Variants in EDRF1 observed in about 807,000 individuals in gnomAD.
The protein encoded by EDRF1 is erythroid differentiation regulatory factor 1.
Under a neutral mutation model 148.7 loss-of-function variants are expected in EDRF1, and 69 were observed. The ratio of observed to expected loss-of-function variants is 0.46; its 90% CI spans 0.38 to 0.57. EDRF1 has a LOEUF of 0.57. Ranked by LOEUF, EDRF1 falls within the 20% of genes least tolerant of loss-of-function variation. The pLI, the probability that EDRF1 is intolerant of heterozygous loss-of-function variation, is 0.00. For missense variants in EDRF1, 1,118 were observed against 1,478.7 expected (o/e 0.76, Z 4.00); for synonymous variants, 515 against 532.8 (o/e 0.97, Z 0.46).
intron 9 of EDRF1, 56 bp from the exon 10 acceptor site, chr10:125,733,348 G>T (rs570057693): frequency 7.2e-7 from 1 of 1,391,442 alleles, no homozygotes. Flanking sequence ...AAAAAGAAAG[G>T]TGTTGTTTCC....
rs559987715 is a variant in EDRF1, at chr10:125,741,036, G to A, written c.2206G>A (p.Glu736Lys). 8.7e-6 allele frequency: 14 copies of A among 1,613,708 alleles called. No homozygotes were observed. Among genetic ancestry groups the A allele is most frequent in the Non-Finnish European group, 1.1e-5 (13 of 1,179,994 alleles). The change falls in exon 17 of 25, where the codon GAA (glutamate) becomes AAA (lysine). Residue 736 changes from glutamate (E) to lysine (K), a missense_variant. Coordinates refer to ENST00000356792, the MANE Select transcript of EDRF1 (RefSeq NM_001202438.2). ...YCCLCTNMLSEVLLFLSQYLT... is the reference protein window; with the variant it reads ...YCCLCTNMLSKVLLFLSQYLT... ...CTGCCTCTGCACCAATATGCTTTCC[G>A]AAGTGCTGTTGTTTCTCTCTCAATA... is the stretch of plus-strand genomic sequence containing the variant.
intron 23 of EDRF1, 71 bp from the exon 24 acceptor site, chr10:125,753,623 C>G: frequency 6.6e-7 from 1 of 1,512,162 alleles, no homozygotes; most frequent in Admixed American, 1.7e-5. Context: ...AACTGCAGTT[C>G]CATCACTTGG....
chr10:125,738,664 C>G (rs1237861013), intron 15 of EDRF1, among the ~76,000 whole-genome samples: 1 of 152,194 alleles, frequency 6.6e-6, no homozygotes, highest in Non-Finnish European at 1.5e-5. Context: ...GAGCCTGCAT[C>G]TTCCTGTTAC....
At position 125,763,888 on chromosome 10, in the gene EDRF1, C is replaced by T. The variant is rs1357180950; in HGVS notation, c.*416C>T. 8.6e-6 allele frequency: 2 copies of T among 233,680 alleles called. No individual in the cohort carries two copies. The highest frequency in any genetic ancestry group is 1.7e-5 in the Non-Finnish European group (2 of 116,498). The allele number at this position is 233,680 out of a possible 1,614,324, so 14.5% of individuals were successfully genotyped here. ...GGTTCAAGTGGGTTAAGGAGACCTC[C>T]TGTACATCTACAGTGTTTCCTTTTA... On this transcript the variant is annotated 3_prime_UTR_variant, in exon 25 of 25. Transcript: ENST00000356792. The surrounding 1 kb of genome is among the most constrained non-coding windows in gnomAD (Gnocchi z 4.3).
At chr10:125,745,984 T>C (rs1236681693) in intron 19 of EDRF1, 54 bp downstream of exon 19, 34 of 1,558,720 alleles carry the variant, frequency 2.2e-5, no homozygotes, top group Non-Finnish European at 2.9e-5. Context: ...GTCATTTATT[T>C]ACATTTTGCC....
At chr10:125,746,418 T>C (rs1689298299) in intron 19 of EDRF1, among the ~76,000 whole-genome samples, 1 of 152,052 alleles carries the variant, frequency 6.6e-6, no homozygotes, top group Non-Finnish European at 1.5e-5. Flanking sequence ...AAGCAAATCA[T>C]AGAGATGAGA....
In EDRF1 at chr10:125,753,708, C is replaced by T. The variant is rs141807438; in HGVS notation, c.3408C>T (p.Asp1136=). Reference sequence around the variant, plus strand: ...GTTGTTTTTAGCCTAAGAGTGGTGACGCCGCTGCAGCTGCTGATGCTTCTC... The same window carrying T: ...GTTGTTTTTAGCCTAAGAGTGGTGATGCCGCTGCAGCTGCTGATGCTTCTC... ...IEEFGQPKSG[D]AAAAADASPS... is the part of the protein sequence containing the mutation. Residue 1136 remains aspartate (D), a synonymous_variant, in exon 24 of 25, where the codon GAC becomes GAT. Coordinates refer to ENST00000356792, the MANE Select transcript of EDRF1 (RefSeq NM_001202438.2). 60 of 1,613,878 alleles carry T rather than the reference C, an allele frequency of 3.7e-5. No individual in the cohort carries two copies. In the African/African-American group the frequency reaches 3.7e-4, roughly 10 times the overall value.
chr10:125,727,988 G>A (rs201715260), intron 6 of EDRF1, among the ~76,000 whole-genome samples: 6 of 151,960 alleles, frequency 3.9e-5, no homozygotes, highest in African/African-American at 1.2e-4. Flanking sequence ...CTTGAGGCCC[G>A]GAGTTAGAGA....
intron 12 of EDRF1, 102 bp downstream of exon 12, chr10:125,734,285 C>T (rs1052321198): frequency 2.3e-6 from 2 of 887,820 alleles, no homozygotes; most frequent in Non-Finnish European, 3.8e-6. Context: ...CGTAACTGCC[C>T]TATTCAGTGT....
Position 125,721,288 on chromosome 10 carries a change from G to T in EDRF1, c.193G>T (p.Ala65Ser), listed in dbSNP as rs1335805046. 7 of 1,614,190 alleles carry T rather than the reference G, an allele frequency of 4.3e-6. No homozygotes were observed. Among genetic ancestry groups the T allele is most frequent in the East Asian group, 2.2e-5 (1 of 44,884 alleles). ...TTCTGCCCCTCCTCGAACAGCATTT[G>T]CACGCCTTGAAGAGAAAACAGACTT... ...YSSAPPRTAF[A>S]RLEEKTDLKL... The change falls in exon 2 of 25, where the codon GCA (alanine) becomes TCA (serine). Residue 65 changes from alanine to serine, a missense_variant. Ala to Ser is a moderately conservative substitution (Grantham distance 99). Transcript: ENST00000356792.
intron 15 of EDRF1, 118 bp from the exon 16 acceptor site, chr10:125,740,345 T>TA: frequency 1.9e-6 from 2 of 1,036,202 alleles, no homozygotes; most frequent in Non-Finnish European, 2.9e-6. Flanking sequence ...GCATAGTATT[T>TA]ACCAGTCTTG....
Position 125,729,052 on chromosome 10 carries a change from C to G in EDRF1, c.842C>G (p.Ala281Gly), listed in dbSNP as rs563245288. 6.3e-6 allele frequency: 10 copies of G among 1,581,968 alleles called. No individual in the cohort carries two copies. Among genetic ancestry groups the G allele is most frequent in the Non-Finnish European group, 8.5e-6 (10 of 1,171,546 alleles). The change falls in exon 7 of 25, where the codon GCC (alanine) becomes GGC (glycine). Residue 281 changes from alanine to glycine, a missense_variant. Coordinates refer to ENST00000356792, the MANE Select transcript of EDRF1 (RefSeq NM_001202438.2). ...PSYIVGHVAS[A>G]PKEQNLITLF... Reference sequence around the variant, plus strand: ...TACATAGTGGGGCATGTGGCCTCAGCCCCCAAAGAACAAAACCTGATTACT... The same window carrying G: ...TACATAGTGGGGCATGTGGCCTCAGGCCCCAAAGAACAAAACCTGATTACT...
chr10:125,744,524 GA>G (rs1849232434), intron 18 of EDRF1, among the ~76,000 whole-genome samples: 2 of 152,266 alleles, frequency 1.3e-5, no homozygotes, highest in East Asian at 3.9e-4. Context: ...GGCACTTAGG[GA>G]TACAAATGTT....
intron 17 of EDRF1, 38 bp from the exon 18 acceptor site, chr10:125,743,020 A>G (rs756116153): frequency 1.2e-6 from 2 of 1,607,924 alleles, no homozygotes; most frequent in Non-Finnish European, 1.7e-6. Flanking sequence ...AGAAGGAATC[A>G]CATGATTCGC....
chr10:125,738,415 G>A lies in EDRF1; in HGVS notation c.1951G>A (p.Glu651Lys), dbSNP rs1246311852. The change falls in exon 15 of 25, where the codon GAG becomes AAG. Residue 651 changes from glutamate to lysine, a missense_variant. By Grantham distance (56) the Glu-to-Lys change is moderately conservative (BLOSUM62 1). Coordinates refer to ENST00000356792, the MANE Select transcript of EDRF1 (RefSeq NM_001202438.2). ...CTCAAGAGGGGGTCCCGAGGGGCTA[G>A]AGAAGCAGATGGCCTTGTTTTTGGA... ...ESSRGGPEGL[E>K]KQMALFLDKM... is the part of the protein sequence containing the mutation. The A allele has an allele frequency of 2.5e-6, 4 of 1,614,052 alleles. No individual in the cohort carries two copies. Among genetic ancestry groups the A allele is most frequent in the Non-Finnish European group, 3.4e-6 (4 of 1,180,018 alleles).
At chr10:125,728,977 A>G in intron 6 of EDRF1, 26 bp from the exon 7 acceptor site, 3 of 1,518,712 alleles carry the variant, frequency 2.0e-6, no homozygotes, top group Non-Finnish European at 2.6e-6. Context: ...CAGCAGAATC[A>G]CTCCTTATCC....
At chr10:125,752,985 G>A (rs545918555) in intron 23 of EDRF1, 71 bp downstream of exon 23, 9 of 1,080,758 alleles carry the variant, frequency 8.3e-6, no homozygotes, top group Non-Finnish European at 8.6e-6. Context: ...TATAGTGGAC[G>A]TGTGTGTGTA....
intron 17 of EDRF1, 176 bp downstream of exon 17, chr10:125,741,377 GT>G (rs777922624): frequency 4.5e-5 from 32 of 705,166 alleles, no homozygotes; most frequent in Middle Eastern, 3.6e-4. Flanking sequence ...GAGTGCAATG[GT>G]GCAATCTTGG....
intron 18 of EDRF1, chr10:125,744,912 A>C (rs1849262224): frequency 6.6e-6 from 1 of 152,406 alleles, no homozygotes; most frequent in South Asian, 2.1e-4. Flanking sequence ...TTTAATTTAC[A>C]AATTAGGCAC....
Sources: gnomAD v4.1 joint callset for allele counts (sites outside exome capture counted in the v4.1 genomes callset) on GRCh38, gnomAD v4.1.1 for gene constraint, Gnocchi (gnomAD v3.1) non-coding constraint, MANE v1.5 for transcripts, NCBI Gene and HGNC (gene_info 2026-07-23, HGNC 2026-07-21) for gene names.